The following BMAL1 variants were observed in gnomAD, a reference collection of about 807,000 sequenced individuals.
BMAL1 encodes basic helix-loop-helix ARNT-like protein 1.
the BMAL1 span, among the ~76,000 whole-genome samples, chr11:13,303,142 G>A: frequency 6.6e-6 from 1 of 152,164 alleles, no homozygotes; most frequent in Non-Finnish European, 1.5e-5. Context: ...GCCTTCAAGG[G>A]ATAGAGTAAG....
chr11:13,372,275 C>G, the BMAL1 span: 1 of 1,614,194 alleles, frequency 6.2e-7, no homozygotes, highest in African/African-American at 1.3e-5. Context: ...GGTGTAACCT[C>G]AGCTGCCTCG....
At chr11:13,317,516 A>T in the BMAL1 span, among the ~76,000 whole-genome samples, 1 of 152,226 alleles carries the variant, frequency 6.6e-6, no homozygotes, top group East Asian at 1.9e-4. Flanking sequence ...ACTATTGTTT[A>T]AAATCGTTAT....
the BMAL1 span, chr11:13,326,509 G>C: frequency 6.6e-6 from 1 of 152,128 alleles, no homozygotes; most frequent in Non-Finnish European, 1.5e-5. Context: ...TTACCACTTC[G>C]GGGATGTAAG....
chr11:13,335,130 C>T, the BMAL1 span, among the ~76,000 whole-genome samples: 1 of 152,182 alleles, frequency 6.6e-6, no homozygotes, highest in Non-Finnish European at 1.5e-5. Context: ...AGAGTTACCT[C>T]ACCTCCCTGA....
the BMAL1 span, chr11:13,379,773 T>G: frequency 6.6e-6 from 1 of 152,142 alleles, no homozygotes; most frequent in Non-Finnish European, 1.5e-5. Flanking sequence ...AGTGGCAAAT[T>G]CAGGGTCAAG....
chr11:13,368,190 C>T, the BMAL1 span, among the ~76,000 whole-genome samples: 91 of 152,330 alleles, frequency 6.0e-4, no homozygotes, highest in African/African-American at 2.0e-3. Context: ...ATGAGACAGA[C>T]AGCACCCTGC....
At chr11:13,278,688 G>T in the BMAL1 span, among the ~76,000 whole-genome samples, 1 of 152,232 alleles carries the variant, frequency 6.6e-6, no homozygotes, top group African/African-American at 2.4e-5. Context: ...TGGGTCTGCG[G>T]GCAGGTGCGC....
chr11:13,303,352 G>A, the BMAL1 span, among the ~76,000 whole-genome samples: 1 of 152,136 alleles, frequency 6.6e-6, no homozygotes, highest in Non-Finnish European at 1.5e-5. Flanking sequence ...TTCTAACTTG[G>A]GGAGGTAGAG....
chr11:13,364,491 G>T, the BMAL1 span, among the ~76,000 whole-genome samples: 1 of 152,236 alleles, frequency 6.6e-6, no homozygotes, highest in Non-Finnish European at 1.5e-5. Flanking sequence ...TTTCCAAAGA[G>T]CAGATTAAGG....
chr11:13,374,579 C>T, the BMAL1 span, among the ~76,000 whole-genome samples: 13 of 152,296 alleles, frequency 8.5e-5, no homozygotes, highest in South Asian at 2.7e-3. Flanking sequence ...GAGAGACCAA[C>T]ATTGACCCCT....
the BMAL1 span, among the ~76,000 whole-genome samples, chr11:13,322,776 G>GTTTTTTT: frequency 9.5e-6 from 1 of 104,866 alleles, no homozygotes; most frequent in African/African-American, 4.0e-5. Context: ...TTGTGAGCAA[G>GTTTTTTT]TCTTTTTTTT....
At chr11:13,377,034 G>A in the BMAL1 span, among the ~76,000 whole-genome samples, 1 of 152,186 alleles carries the variant, frequency 6.6e-6, no homozygotes, top group Non-Finnish European at 1.5e-5. Context: ...TGGCCATGAT[G>A]TGAAGTGCTC....
chr11:13,355,055 CA>C, the BMAL1 span: 1 of 533,370 alleles, frequency 1.9e-6, no homozygotes, highest in Middle Eastern at 3.6e-4. Context: ...TATATATGTA[CA>C]AACACCTAGG....
the BMAL1 span, among the ~76,000 whole-genome samples, chr11:13,354,086 A>G: frequency 1.4e-3 from 216 of 152,158 alleles, 1 homozygote; most frequent in African/African-American, 5.0e-3. Flanking sequence ...TTCCTACAAA[A>G]ACTCTTAAAA....
the BMAL1 span, among the ~76,000 whole-genome samples, chr11:13,382,245 T>TC: frequency 1.3e-5 from 2 of 151,810 alleles, no homozygotes; most frequent in South Asian, 4.2e-4. Flanking sequence ...AGCGTTTTGC[T>TC]CCCCCCAAAA....
At chr11:13,292,490 T>C in the BMAL1 span, among the ~76,000 whole-genome samples, 1 of 150,580 alleles carries the variant, frequency 6.6e-6, no homozygotes, top group Admixed American at 6.6e-5. Context: ...GAGCTTGCAG[T>C]GAGCCGAGAT....
At chr11:13,353,887 A>G in the BMAL1 span, among the ~76,000 whole-genome samples, 1 of 152,174 alleles carries the variant, frequency 6.6e-6, no homozygotes, top group African/African-American at 2.4e-5. Flanking sequence ...AAGGGAGGAA[A>G]AATAATTAGC....
At chr11:13,345,502 TCTC>T in the BMAL1 span, among the ~76,000 whole-genome samples, 1 of 152,212 alleles carries the variant, frequency 6.6e-6, no homozygotes, top group East Asian at 1.9e-4. Flanking sequence ...TCTTATAAAT[TCTC>T]CTTGTTCCTT....
the BMAL1 span, among the ~76,000 whole-genome samples, chr11:13,331,957 G>A: frequency 6.6e-6 from 1 of 152,198 alleles, no homozygotes; most frequent in South Asian, 2.1e-4. Flanking sequence ...AGGCCGGGCG[G>A]GGTTGGTCTG....
Sources: allele counts gnomAD v4.1 joint callset (sites outside exome capture counted in the v4.1 genomes callset), GRCh38; gene constraint gnomAD v4.1.1; transcripts MANE v1.5; gene names NCBI Gene and HGNC (gene_info 2026-07-23, HGNC 2026-07-21).